GAPVD1: variants seen among roughly 807,000 people sequenced by gnomAD.
The protein encoded by GAPVD1 is GTPase activating protein and VPS9 domains 1, also known as GTPase-activating protein and VPS9 domain-containing protein 1.
GAPVD1 carries 35 observed loss-of-function variants against 155.5 expected under a neutral mutation model. That is an observed-to-expected ratio of 0.23 (90% CI 0.17 to 0.30). The LOEUF is 0.30. Among genes scored for constraint, GAPVD1 ranks in the 10% least tolerant of loss-of-function variants. GAPVD1 has a pLI of 1.00. For missense variants in GAPVD1, 1,429 were observed against 1,775.7 expected (o/e 0.80, Z 3.51); for synonymous variants, 636 against 619.7 (o/e 1.03, Z -0.39).
chr9:125,353,090 A>G (rs868597218), intron 23 of GAPVD1, among the ~76,000 whole-genome samples: 2 of 152,058 alleles, frequency 1.3e-5, no homozygotes, highest in Non-Finnish European at 2.9e-5. Context: ...CTGGGCAACA[A>G]GAGTGAAACT....
intron 5 of GAPVD1, chr9:125,303,996 A>G (rs535954454): frequency 6.6e-6 from 1 of 152,184 alleles, no homozygotes; most frequent in African/African-American, 2.4e-5. Flanking sequence ...TAGAGTTCCA[A>G]TTTTAGTATA....
chr9:125,284,180 CTTTTTTTT>C (rs34335675), intron 2 of GAPVD1, among the ~76,000 whole-genome samples: 2 of 92,620 alleles, frequency 2.2e-5, no homozygotes, highest in South Asian at 7.5e-4. Flanking sequence ...CCCGCCAGAA[CTTTTTTTT>C]TTTTTTTTTT....
At chr9:125,339,238 C>G (rs1054285722) in intron 17 of GAPVD1, among the ~76,000 whole-genome samples, 1 of 152,172 alleles carries the variant, frequency 6.6e-6, no homozygotes, top group Non-Finnish European at 1.5e-5. Flanking sequence ...AGTCCTCCCA[C>G]CCCAGCCTCC....
At chr9:125,314,334 T>G (rs531360108) in intron 9 of GAPVD1, among the ~76,000 whole-genome samples, 31 of 152,242 alleles carry the variant, frequency 2.0e-4, no homozygotes, top group African/African-American at 6.7e-4. Context: ...TTTTAATATA[T>G]TTGTAACAAA....
intron 1 of GAPVD1, among the ~76,000 whole-genome samples, chr9:125,266,706 G>A (rs574032699): frequency 1.3e-5 from 2 of 152,186 alleles, no homozygotes; most frequent in Admixed American, 6.5e-5. Context: ...CAGAATATAC[G>A]TGCTAAATTA....
At chr9:125,276,219 A>G (rs917777172) in intron 2 of GAPVD1, among the ~76,000 whole-genome samples, 3 of 152,154 alleles carry the variant, frequency 2.0e-5, no homozygotes, top group Non-Finnish European at 2.9e-5. Context: ...AGTTGGTAGT[A>G]AGCCCATTCT....
At chr9:125,301,895 T>A in intron 4 of GAPVD1, 88 bp from the exon 5 acceptor site, 1 of 1,084,170 alleles carries the variant, frequency 9.2e-7, no homozygotes, top group Non-Finnish European at 1.3e-6. Context: ...CATAATCAAC[T>A]CACATATCCA....
chr9:125,365,100 G>A lies in GAPVD1; in HGVS notation c.*2354G>A, dbSNP rs1851384292. On this transcript the variant is annotated 3_prime_UTR_variant, in exon 28 of 28. Coordinates refer to ENST00000297933, the MANE Select transcript of GAPVD1 (RefSeq NM_001282680.3). ...GGAGATAGGGCTGTGCTGTGTTGGA[G>A]CCGGGGCTGAGGGTAGACCCCCCAG... is the stretch of plus-strand genomic sequence containing the variant. The A allele has an allele frequency of 6.6e-6, 1 of 152,264 alleles. No homozygotes were observed. Among genetic ancestry groups the A allele is most frequent in the South Asian group, 2.1e-4 (1 of 4,824 alleles). The allele number at this position is 152,264 out of a possible 1,614,324, so 9.4% of individuals were successfully genotyped here.
chr9:125,354,594 T>A, intron 23 of GAPVD1, 60 bp from the exon 24 acceptor site: 1 of 1,117,618 alleles, frequency 8.9e-7, no homozygotes. Flanking sequence ...GGACCCTTAT[T>A]CTTCAAAGAG....
chr9:125,279,784 G>A (rs970337189), intron 2 of GAPVD1, among the ~76,000 whole-genome samples: 2 of 146,596 alleles, frequency 1.4e-5, no homozygotes, highest in African/African-American at 2.5e-5. Context: ...TTTTTGATAC[G>A]GAGTCTTGGT....
chr9:125,303,116 C>G (rs1841179988), intron 5 of GAPVD1, among the ~76,000 whole-genome samples: 2 of 152,184 alleles, frequency 1.3e-5, no homozygotes, highest in Middle Eastern at 3.4e-3. Context: ...CCTCCGCCTC[C>G]CGGGTTCAAG....
rs116632116 is a variant in GAPVD1, at chr9:125,277,243, C to T, written c.-150+8259C>T. ...TCACTGTGCTAAGTAATGGGGATACCGGCATGACAATGTCCTTACTTCAGG... is the reference window on the plus strand; with the variant it reads ...TCACTGTGCTAAGTAATGGGGATACTGGCATGACAATGTCCTTACTTCAGG... On this transcript the variant is annotated intron_variant, in intron 2 of 27. Transcript: ENST00000297933. Among the ~76,000 whole-genome samples, 926 of 152,238 alleles carry T rather than the reference C, an allele frequency of 6.1e-3. 17 individuals carry two copies. The highest frequency in any genetic ancestry group is 0.021 in the African/African-American group (853 of 41,532).
chr9:125,317,299 T>A (rs1160410188), intron 9 of GAPVD1, among the ~76,000 whole-genome samples: 1 of 143,076 alleles, frequency 7.0e-6, no homozygotes, highest in Non-Finnish European at 1.5e-5. Flanking sequence ...GCCTGGGCAA[T>A]ACAGCGAGAC....
intron 2 of GAPVD1, among the ~76,000 whole-genome samples, chr9:125,292,813 T>C (rs1168748988): frequency 6.6e-6 from 1 of 152,176 alleles, no homozygotes; most frequent in Non-Finnish European, 1.5e-5. Context: ...ACTGGAAGTA[T>C]GGAGTATTAA....
intron 2 of GAPVD1, among the ~76,000 whole-genome samples, chr9:125,277,204 C>T (rs1230854189): frequency 2.6e-5 from 4 of 152,206 alleles, no homozygotes; most frequent in Non-Finnish European, 2.9e-5. Context: ...CATTCAGCAC[C>T]TGCTAAATGC....
At chr9:125,290,993 G>GT (rs1838500772) in intron 2 of GAPVD1, among the ~76,000 whole-genome samples, 1 of 74,336 alleles carries the variant, frequency 1.3e-5, no homozygotes, top group South Asian at 4.9e-4. Context: ...CTGTCTCAAA[G>GT]TAAAAAAAAA....
intron 1 of GAPVD1, among the ~76,000 whole-genome samples, chr9:125,268,623 C>T (rs1476922966): frequency 2.0e-5 from 3 of 151,144 alleles, no homozygotes; most frequent in Non-Finnish European, 2.9e-5. Context: ...CCTCAGCCTT[C>T]TGAGTAGCTG....
intron 1 of GAPVD1, chr9:125,263,872 A>C: frequency 7.2e-7 from 1 of 1,390,296 alleles, no homozygotes; most frequent in Non-Finnish European, 1.0e-6. Flanking sequence ...AATCCCGGAG[A>C]TACTGGATAC....
chr9:125,327,057 T>A (rs1386139026), intron 12 of GAPVD1, among the ~76,000 whole-genome samples: 2 of 152,192 alleles, frequency 1.3e-5, no homozygotes, highest in African/African-American at 2.4e-5. Flanking sequence ...CTGGAAGAGT[T>A]AATTCAGTTC....
Sources: allele counts gnomAD v4.1 joint callset (sites outside exome capture counted in the v4.1 genomes callset), GRCh38; gene constraint gnomAD v4.1.1; transcripts MANE v1.5; gene names NCBI Gene and HGNC (gene_info 2026-07-23, HGNC 2026-07-21).